Variants in PTPRN2 observed in about 807,000 individuals in gnomAD.
PTPRN2 encodes receptor-type tyrosine-protein phosphatase N2.
Under a neutral mutation model 118.8 loss-of-function variants are expected in PTPRN2, and 74 were observed. The observed-to-expected ratio is 0.62, with a 90% confidence interval of 0.52 to 0.76. The LOEUF (loss-of-function observed/expected upper bound fraction) is 0.76. Among genes scored for constraint, PTPRN2 ranks in the 30% least tolerant of loss-of-function variants. PTPRN2 has a pLI of 0.00. For synonymous variants in PTPRN2, 641 were observed against 608.0 expected, an observed-to-expected ratio of 1.05 and a Z score of -0.80; for missense variants, 1,481 against 1,394.4, an observed-to-expected ratio of 1.06 and a Z score of -0.99.
chr7:158,502,768 T>A (rs1229704011), intron 1 of PTPRN2, among the ~76,000 whole-genome samples: 1 of 152,074 alleles, frequency 6.6e-6, no homozygotes, highest in East Asian at 2.0e-4. Flanking sequence ...CCCCAGCCAC[T>A]GTGTCCATCA....
At chr7:158,227,550 G>A (rs554135830) in intron 3 of PTPRN2, among the ~76,000 whole-genome samples, 47 of 152,256 alleles carry the variant, frequency 3.1e-4, no homozygotes, top group South Asian at 1.7e-3. Context: ...GGGGAAAGGC[G>A]GTGGTCAGCA....
intron 3 of PTPRN2, among the ~76,000 whole-genome samples, chr7:158,310,494 T>C (rs184260794): frequency 8.0e-4 from 122 of 152,200 alleles, no homozygotes; most frequent in African/African-American, 2.9e-3. Flanking sequence ...CTGTGGAAGG[T>C]AGAGCTTGTG....
At chr7:158,573,684 G>A (rs1828170895) in intron 1 of PTPRN2, among the ~76,000 whole-genome samples, 1 of 152,198 alleles carries the variant, frequency 6.6e-6, no homozygotes, top group African/African-American at 2.4e-5. Flanking sequence ...TTCCAGCTCT[G>A]AGAGTCTGTA....
rs1025655115 is a variant in PTPRN2 at position 157,539,796 on chromosome 7, G to C, written c.*918C>G. 6.6e-6 allele frequency: 1 copy of C among 152,280 alleles called. No homozygotes were observed. Among genetic ancestry groups the C allele is most frequent in the Non-Finnish European group, 1.5e-5 (1 of 68,090 alleles). 9.4% of individuals were successfully genotyped at this position (152,280 alleles called of 1,614,324 possible). A position where few individuals can be genotyped will look rare whatever the true frequency, so the allele number is the denominator to read the frequency against. ...AATGTCCCCTCTCTGGGGCCCCACA[G>C]GTCCGGGACGTGCCTGGAGGAGCCA... On this transcript the variant is annotated 3_prime_UTR_variant, in exon 23 of 23. Transcript: ENST00000389418.
chr7:158,506,507 C>G (rs979563063), intron 1 of PTPRN2, among the ~76,000 whole-genome samples: 1 of 152,054 alleles, frequency 6.6e-6, no homozygotes, highest in Admixed American at 6.6e-5. Flanking sequence ...GGCCACCTCC[C>G]GCCTAGCACC....
At chr7:158,272,298 G>T (rs1460376658) in intron 3 of PTPRN2, among the ~76,000 whole-genome samples, 3 of 152,178 alleles carry the variant, frequency 2.0e-5, no homozygotes, top group Non-Finnish European at 4.4e-5. Flanking sequence ...CCCTGCCTGG[G>T]CTGTACTTGC....
At chr7:158,515,236 G>C (rs996647852) in intron 1 of PTPRN2, among the ~76,000 whole-genome samples, 3 of 151,690 alleles carry the variant, frequency 2.0e-5, no homozygotes, top group Non-Finnish European at 4.4e-5. Flanking sequence ...GCCCAGGCTG[G>C]AGTGCAATGG....
chr7:158,399,238 A>G (rs944669137), intron 2 of PTPRN2, among the ~76,000 whole-genome samples: 3 of 152,170 alleles, frequency 2.0e-5, no homozygotes, highest in African/African-American at 4.8e-5. Flanking sequence ...GCTGATTTAG[A>G]ATTGTGTCAC....
intron 12 of PTPRN2, among the ~76,000 whole-genome samples, chr7:157,782,366 G>A (rs550181845): frequency 2.6e-5 from 4 of 152,370 alleles, no homozygotes; most frequent in South Asian, 2.1e-4. Flanking sequence ...AGGCGGAATC[G>A]GTTCCAGCAG....
Position 157,603,596 on chromosome 7 carries a change from G to A in PTPRN2, c.2418+406C>T, listed in dbSNP as rs531098986. Among the ~76,000 whole-genome samples, 2 of 152,190 alleles carry A rather than the reference G, an allele frequency of 1.3e-5. No individual in the cohort carries two copies. Among genetic ancestry groups the A allele is most frequent in the Non-Finnish European group, 2.9e-5 (2 of 68,030 alleles). ...CCTGAAATTCTGGACCTGCCTCCAA[G>A]CCACTGATTGTTACAAAAAGCGTAG... On this transcript the variant is annotated intron_variant, in intron 16 of 22. Coordinates refer to ENST00000389418, the MANE Select transcript of PTPRN2 (RefSeq NM_002847.5). The surrounding 1 kb of genome is among the most constrained non-coding windows in gnomAD (Gnocchi z 5.4).
At chr7:158,235,321 T>A (rs982384064) in intron 3 of PTPRN2, among the ~76,000 whole-genome samples, 1 of 152,118 alleles carries the variant, frequency 6.6e-6, no homozygotes, top group Non-Finnish European at 1.5e-5. Context: ...CTAGTCACAA[T>A]AGCAAAAATA....
intron 12 of PTPRN2, among the ~76,000 whole-genome samples, chr7:157,804,168 G>T (rs770668418): frequency 1.3e-5 from 2 of 152,154 alleles, no homozygotes; most frequent in Non-Finnish European, 2.9e-5. Flanking sequence ...ATTCCTCACC[G>T]GGTGTGGAGG....
chr7:157,674,454 C>T lies in PTPRN2; in HGVS notation c.2001+8271G>A, dbSNP rs1796564254. Among the ~76,000 whole-genome samples the T allele has an allele frequency of 6.6e-6, 1 of 152,244 alleles. No homozygotes were observed. Among genetic ancestry groups the T allele is most frequent in the Admixed American group, 6.5e-5 (1 of 15,290 alleles). ...CAATTGCTTTTCCCGAAGCTTTCTCCTCTTGTAACACCCAGCTCCTGCATG... is the reference window on the plus strand; with the variant it reads ...CAATTGCTTTTCCCGAAGCTTTCTCTTCTTGTAACACCCAGCTCCTGCATG... On this transcript the variant is annotated intron_variant, in intron 13 of 22. Transcript: ENST00000389418. This position sits in a 1 kb window ranked among gnomAD's most constrained non-coding sequence, Gnocchi z 4.5.
chr7:157,543,541 C>T (rs181488244), intron 22 of PTPRN2, among the ~76,000 whole-genome samples: 195 of 152,340 alleles, frequency 1.3e-3, no homozygotes, highest in African/African-American at 4.3e-3. Context: ...CCATGGCTCT[C>T]GGACACCCGC....
chr7:157,817,962 G>A lies in PTPRN2; in HGVS notation c.1788+80711C>T, dbSNP rs998966174. ...TGTATATGTGTGTTATGTGCATGGTGTGTGCCTGTTTGTACATGTGTGATA... is the reference window on the plus strand; with the variant it reads ...TGTATATGTGTGTTATGTGCATGGTATGTGCCTGTTTGTACATGTGTGATA... On this transcript the variant is annotated intron_variant, in intron 12 of 22. Transcript: ENST00000389418. Among the ~76,000 whole-genome samples, 3 of 152,010 alleles carry A rather than the reference G, an allele frequency of 2.0e-5. No individual in the cohort carries two copies. In the East Asian group the frequency reaches 5.8e-4, roughly 29 times the overall value.
At chr7:157,946,873 G>A (rs960736171) in intron 11 of PTPRN2, among the ~76,000 whole-genome samples, 3 of 152,204 alleles carry the variant, frequency 2.0e-5, no homozygotes, top group Admixed American at 6.5e-5. Context: ...GCCGGGGCCC[G>A]ACACTGCCGG....
chr7:158,047,151 G>A lies in PTPRN2; in HGVS notation c.1723+34147C>T, dbSNP rs189653358. On this transcript the variant is annotated intron_variant, in intron 11 of 22. Coordinates refer to ENST00000389418, the MANE Select transcript of PTPRN2 (RefSeq NM_002847.5). ...CATTTGCTGAGTGCAGACTCTGTGT[G>A]ACACACACTGCTACTTTCTGAGGAA... 2.0e-5 allele frequency among the ~76,000 whole-genome samples: 3 copies of A among 152,330 alleles called. No homozygotes were observed. In the East Asian group the frequency reaches 5.8e-4, roughly 29 times the overall value.
At chr7:158,466,588 G>A (rs532476415) in intron 2 of PTPRN2, among the ~76,000 whole-genome samples, 4 of 152,254 alleles carry the variant, frequency 2.6e-5, no homozygotes, top group Admixed American at 2.0e-4. Context: ...AGAAACACCT[G>A]TACTGTCTCC....
intron 1 of PTPRN2, among the ~76,000 whole-genome samples, chr7:158,496,918 C>A (rs1401455253): frequency 8.0e-4 from 4 of 5,012 alleles, no homozygotes; most frequent in East Asian, 7.8e-3. Context: ...CTGAAGCATC[C>A]CCCTTCCCTG....
Sources: gnomAD v4.1 joint callset for allele counts (sites outside exome capture counted in the v4.1 genomes callset) on GRCh38, gnomAD v4.1.1 for gene constraint, Gnocchi (gnomAD v3.1) non-coding constraint, MANE v1.5 for transcripts, NCBI Gene and HGNC (gene_info 2026-07-23, HGNC 2026-07-21) for gene names.